DST: variants seen among roughly 807,000 people sequenced by gnomAD.
DST encodes the protein bullous pemphigoid antigen.
A neutral mutation model predicts 875.2 loss-of-function variants in DST; 253 were observed. That is an observed-to-expected ratio of 0.29 (90% CI 0.26 to 0.32). The LOEUF (loss-of-function observed/expected upper bound fraction) is 0.32, where lower values mean the gene tolerates loss of function less well. Ranked by LOEUF, DST falls within the 10% of genes least tolerant of loss-of-function variation. DST has a pLI of 1.00. For synonymous variants in DST, 3,124 were observed against 3,197.1 expected, an observed-to-expected ratio of 0.98 and a Z score of 0.77; for missense variants, 8,287 against 9,111.6, an observed-to-expected ratio of 0.91 and a Z score of 3.68.
At chr6:56,561,610 G>C (rs576838231) in intron 56 of DST, 61 bp from the exon 57 acceptor site, 1 of 1,517,778 alleles carries the variant, frequency 6.6e-7, no homozygotes, top group African/African-American at 1.4e-5. Context: ...CAGAGGTCTA[G>C]AAATAAAAGT....
Position 56,604,985 on chromosome 6 carries a change from T to C in DST, c.9643A>G (p.Lys3215Glu), listed in dbSNP as rs778169487. 6.2e-7 allele frequency: 1 copy of C among 1,612,904 alleles called. No homozygotes were observed. The highest frequency in any genetic ancestry group is 8.5e-7 in the Non-Finnish European group (1 of 1,179,248). ...SHVLITAPPM[K>E]EHLQLGVNNT... The stretch of plus-strand genomic sequence containing the variant: ...TTAACTCCTAATTGTAAATGTTCTT[T>C]CATGGGAGGGGCAGTTATTAAAACA... The change falls in exon 40 of 104, where the codon AAA becomes GAA. Residue 3215 changes from lysine (K) to glutamate (E), a missense_variant. This residue lies in a region of DST where 3,138 missense variants were observed against 3,116.6 expected (regional missense o/e 1.01). Coordinates refer to ENST00000680361, the MANE Select transcript of DST (RefSeq NM_001374736.1).
At position 56,814,332 on chromosome 6, in the gene DST, T is replaced by C. The variant is rs145193049; in HGVS notation, c.625+37065A>G. Among the ~76,000 whole-genome samples, 10 of 152,286 alleles carry C rather than the reference T, an allele frequency of 6.6e-5. No individual in the cohort carries two copies. In the East Asian group the frequency reaches 1.9e-3, roughly 29 times the overall value. ...TATGAAATATGATGCTATTGCTCAC[T>C]AAATAAATAAAAAGCAAAAACACTC... On this transcript the variant is annotated intron_variant, in intron 4 of 103. Coordinates refer to ENST00000680361, the MANE Select transcript of DST (RefSeq NM_001374736.1).
At chr6:56,531,135 G>C (rs1397750638) in intron 64 of DST, among the ~76,000 whole-genome samples, 1 of 152,074 alleles carries the variant, frequency 6.6e-6, no homozygotes, top group Non-Finnish European at 1.5e-5. Flanking sequence ...ATTACCTCTG[G>C]ATTATCACTA....
chr6:56,627,638 T>C (rs537784820), intron 33 of DST, among the ~76,000 whole-genome samples: 109 of 152,294 alleles, frequency 7.2e-4, no homozygotes, highest in African/African-American at 2.4e-3. Context: ...CTGTCAAATG[T>C]GGTATTTAAT....
intron 5 of DST, among the ~76,000 whole-genome samples, chr6:56,725,014 T>A (rs1302973493): frequency 7.9e-5 from 12 of 152,214 alleles, no homozygotes; most frequent in Admixed American, 7.9e-4. Flanking sequence ...TTCAAAATTC[T>A]ATGTAAATTA....
chr6:56,470,288 AT>A lies in DST; in HGVS notation c.22322-7del. The A allele has an allele frequency of 6.3e-7, 1 of 1,589,464 alleles. No homozygotes were observed. The highest frequency in any genetic ancestry group is 8.6e-7 in the Non-Finnish European group (1 of 1,165,892). Reference sequence around the variant, plus strand: ...CAAGCGACTGGTTGGAAACTCTAAAATTTTGAAAACAATGGTAAGTAGTGAC... The same window carrying A: ...CAAGCGACTGGTTGGAAACTCTAAAATTTGAAAACAATGGTAAGTAGTGAC... On this transcript the variant is annotated splice_polypyrimidine_tract_variant and splice_region_variant and intron_variant, in intron 95 of 103. Transcript: ENST00000680361.
chr6:56,916,778 T>TCTCTCTCTCTCA (rs1470233953), intron 2 of DST, among the ~76,000 whole-genome samples: 5 of 91,352 alleles, frequency 5.5e-5, no homozygotes, highest in African/African-American at 2.6e-4. Context: ...TCTCTCTCTC[T>TCTCTCTCTCTCA]CACACACACA....
At chr6:56,542,021 T>C (rs951771448) in intron 61 of DST, among the ~76,000 whole-genome samples, 1 of 152,216 alleles carries the variant, frequency 6.6e-6, no homozygotes, top group Non-Finnish European at 1.5e-5. Context: ...ACAGCCTGAA[T>C]GTTAATTTCG....
chr6:56,596,061 G>T (rs553291228), intron 47 of DST, among the ~76,000 whole-genome samples: 1 of 149,268 alleles, frequency 6.7e-6, no homozygotes, highest in African/African-American at 2.5e-5. Context: ...ATGGAGTCTC[G>T]CTCTGTCGCC....
intron 36 of DST, among the ~76,000 whole-genome samples, chr6:56,623,657 G>A (rs1438121155): frequency 6.6e-6 from 1 of 152,092 alleles, no homozygotes; most frequent in Admixed American, 6.5e-5. Context: ...ATCACCTTTA[G>A]AATTTCAACA....
chr6:56,495,122 T>C (rs2095863758), intron 82 of DST, among the ~76,000 whole-genome samples: 2 of 152,064 alleles, frequency 1.3e-5, no homozygotes, highest in South Asian at 4.1e-4. Context: ...AAAAAAGCCC[T>C]ATATAAATAT....
chr6:56,460,268 G>T lies in DST; in HGVS notation c.23071-14C>A. The T allele has an allele frequency of 6.2e-7, 1 of 1,613,774 alleles. No homozygotes were observed. The highest frequency in any genetic ancestry group is 8.5e-7 in the Non-Finnish European group (1 of 1,179,756). On this transcript the variant is annotated splice_polypyrimidine_tract_variant and intron_variant, in intron 102 of 103. Transcript: ENST00000680361. ...TATTGGCGTTCCCTGTATTTAACCA[G>T]CAACAAGACATTTCAAAATATTGCT...
At chr6:56,850,327 T>C (rs1764456603) in intron 4 of DST, among the ~76,000 whole-genome samples, 1 of 151,494 alleles carries the variant, frequency 6.6e-6, no homozygotes, top group Admixed American at 6.6e-5. Context: ...CTCAGCTGCC[T>C]TGATGGCCGG....
chr6:56,672,796 T>C (rs1436865803), intron 9 of DST, among the ~76,000 whole-genome samples: 1 of 152,242 alleles, frequency 6.6e-6, no homozygotes, highest in Non-Finnish European at 1.5e-5. Context: ...TAGTTATTGT[T>C]ATTCTTTCTG....
At chr6:56,646,618 CA>C (rs35683584) in intron 13 of DST, among the ~76,000 whole-genome samples, 44 of 142,744 alleles carry the variant, frequency 3.1e-4, no homozygotes, top group South Asian at 8.9e-4. Context: ...TTCTATCCTT[CA>C]AAAAAAAAAA....
chr6:56,838,515 A>G (rs2099796307), intron 4 of DST, among the ~76,000 whole-genome samples: 1 of 152,204 alleles, frequency 6.6e-6, no homozygotes, highest in Admixed American at 6.5e-5. Flanking sequence ...GAGCCAGAAA[A>G]CAAGCATCTC....
At chr6:56,749,269 G>A (rs771837406) in intron 4 of DST, among the ~76,000 whole-genome samples, 3 of 152,046 alleles carry the variant, frequency 2.0e-5, no homozygotes, top group African/African-American at 4.8e-5. Flanking sequence ...CAGGAGAATC[G>A]CTTTAACCCG....
rs527445187 is a variant in DST, at chr6:56,580,026, G to C, written c.12904-1089C>G. Among the ~76,000 whole-genome samples the C allele has an allele frequency of 2.1e-4, 32 of 152,352 alleles. No homozygotes were observed. In the South Asian group the frequency reaches 2.3e-3, roughly 11 times the overall value. ...TTCCACCGTTCGGTCTGTTTGGACT[G>C]AGAAGGTGGAATTAGTTAGAGTTGG... is the stretch of plus-strand genomic sequence containing the variant. On this transcript the variant is annotated intron_variant, in intron 49 of 103. Coordinates refer to ENST00000680361, the MANE Select transcript of DST (RefSeq NM_001374736.1).
intron 89 of DST, 147 bp downstream of exon 89, chr6:56,482,536 G>A: frequency 1.3e-6 from 1 of 747,708 alleles, no homozygotes; most frequent in Non-Finnish European, 2.1e-6. Context: ...GTGGGAGAAG[G>A]ATCAAGGCAA....
Sources: gnomAD v4.1 joint callset for allele counts (sites outside exome capture counted in the v4.1 genomes callset) on GRCh38, gnomAD v4.1.1 for gene constraint, gnomAD v4.1.1 regional missense constraint, MANE v1.5 for transcripts, NCBI Gene and HGNC (gene_info 2026-07-23, HGNC 2026-07-21) for gene names.